Variants in RNF213 observed in about 807,000 individuals in gnomAD.
RNF213 encodes the protein E3 ubiquitin-protein ligase RNF213.
RNF213 carries 341 observed loss-of-function variants against 514.4 expected under a neutral mutation model. The observed-to-expected ratio is 0.66, with a 90% confidence interval of 0.61 to 0.73. The LOEUF (loss-of-function observed/expected upper bound fraction) is 0.73, where lower values mean the gene tolerates loss of function less well. Among genes scored for constraint, RNF213 ranks in the 30% least tolerant of loss-of-function variants. The probability of loss-of-function intolerance (pLI) is 0.00; values close to 1 mark genes in which losing one functional copy is unlikely to be tolerated. For synonymous variants in RNF213, 2,655 were observed against 2,658.2 expected (o/e 1.00, Z 0.04); for missense variants, 5,767 against 6,615.6 (o/e 0.87, Z 4.45).
At chr17:80,374,161 T>C (rs2144531989) in intron 49 of RNF213, among the ~76,000 whole-genome samples, 1 of 152,304 alleles carries the variant, frequency 6.6e-6, no homozygotes, top group Middle Eastern at 3.4e-3. Flanking sequence ...TTGACATGAC[T>C]TGAGCCACCC....
intron 67 of RNF213, among the ~76,000 whole-genome samples, chr17:80,390,932 C>T (rs1409798984): frequency 6.6e-6 from 1 of 152,034 alleles, no homozygotes; most frequent in Non-Finnish European, 1.5e-5. Flanking sequence ...CATGGTGGTA[C>T]ACACCTGCAG....
At chr17:80,313,315 C>G in intron 15 of RNF213, 148 bp downstream of exon 15, 1 of 1,094,004 alleles carries the variant, frequency 9.1e-7, no homozygotes, top group Admixed American at 1.8e-5. Context: ...TGGAGTTGCT[C>G]CTGTCTACCT....
chr17:80,370,555 C>T (rs2079476170), intron 46 of RNF213, among the ~76,000 whole-genome samples: 1 of 152,170 alleles, frequency 6.6e-6, no homozygotes, highest in Non-Finnish European at 1.5e-5. Context: ...GTTTTCTTCA[C>T]CGCCATGCAC....
chr17:80,323,003 T>C (rs533456607), intron 17 of RNF213, among the ~76,000 whole-genome samples: 68 of 152,352 alleles, frequency 4.5e-4, no homozygotes, highest in Middle Eastern at 3.4e-3. Flanking sequence ...CTAAATGTTT[T>C]ATAGTTTTAG....
In RNF213 at chr17:80,292,817, C is replaced by G. The variant is rs563575711; in HGVS notation, c.1471+990C>G. ...TCGCTCCCCCTCCCTGCACAGTGACCCTGAAACTCAAGGAAGTGAGCTGGG... is the reference window on the plus strand; with the variant it reads ...TCGCTCCCCCTCCCTGCACAGTGACGCTGAAACTCAAGGAAGTGAGCTGGG... On this transcript the variant is annotated intron_variant, in intron 8 of 67. Transcript: ENST00000582970. Among the ~76,000 whole-genome samples, 322 of 152,186 alleles carry G rather than the reference C, an allele frequency of 2.1e-3. 8 individuals carry two copies. Among genetic ancestry groups the G allele is most frequent in the Admixed American group, 0.019 (295 of 15,284 alleles).
chr17:80,307,533 T>G (rs2045410900), intron 13 of RNF213, among the ~76,000 whole-genome samples: 6 of 126,858 alleles, frequency 4.7e-5, no homozygotes. Flanking sequence ...CAGCTAATTT[T>G]TGTGTGTTGG....
In RNF213 at chr17:80,287,480, C is replaced by T. The variant is rs149993081; in HGVS notation, c.262-335C>T. Among the ~76,000 whole-genome samples the T allele has an allele frequency of 1.3e-3, 200 of 152,250 alleles. 2 individuals are homozygous for T. The highest frequency in any genetic ancestry group is 1.9e-3 in the Non-Finnish European group (132 of 68,024). On this transcript the variant is annotated intron_variant, in intron 3 of 67. Transcript: ENST00000582970. ...TTTGCACCCTGCACTCCATCCTGGGCGACAGAGGGAGACCTTGTCTCAAAT... is the reference window on the plus strand; with the variant it reads ...TTTGCACCCTGCACTCCATCCTGGGTGACAGAGGGAGACCTTGTCTCAAAT...
chr17:80,391,895 C>T (rs553633856), intron 67 of RNF213, among the ~76,000 whole-genome samples: 107 of 151,460 alleles, frequency 7.1e-4, no homozygotes, highest in Non-Finnish European at 1.3e-3. Flanking sequence ...CTCAGCCTCC[C>T]GAGTAGCTGG....
At chr17:80,337,230 T>G (rs2078012105) in intron 23 of RNF213, among the ~76,000 whole-genome samples, 1 of 152,226 alleles carries the variant, frequency 6.6e-6, no homozygotes, top group Non-Finnish European at 1.5e-5. Flanking sequence ...GAGGGTTCTC[T>G]GCATTGGGGA....
At chr17:80,383,544 C>G in intron 58 of RNF213, 133 bp from the exon 59 acceptor site, 1 of 873,562 alleles carries the variant, frequency 1.1e-6, no homozygotes, top group South Asian at 1.4e-5. Context: ...AAAGGGAATA[C>G]CTGATTACAT....
At chr17:80,297,429 G>C (rs1226575026) in intron 10 of RNF213, among the ~76,000 whole-genome samples, 3 of 130,644 alleles carry the variant, frequency 2.3e-5, no homozygotes, top group African/African-American at 8.7e-5. Flanking sequence ...CAGCCTGGGC[G>C]ACACAGTGAG....
intron 63 of RNF213, among the ~76,000 whole-genome samples, chr17:80,387,822 GCCA>G (rs1298540036): frequency 6.6e-6 from 1 of 152,202 alleles, no homozygotes; most frequent in Non-Finnish European, 1.5e-5. Context: ...ATGCACTGAA[GCCA>G]CACAGCAGGC....
In RNF213 at chr17:80,396,540, G is replaced by A. The variant is rs2080664474; in HGVS notation, c.*3042G>A. On this transcript the variant is annotated 3_prime_UTR_variant, in exon 68 of 68. Transcript: ENST00000582970. ...ACCTCTGATTTGATACATAAAGTGTGAAGGTTGCATAACTGGGGAGGTGGC... is the reference window on the plus strand; with the variant it reads ...ACCTCTGATTTGATACATAAAGTGTAAAGGTTGCATAACTGGGGAGGTGGC... 6.6e-6 allele frequency: 1 copy of A among 152,226 alleles called. No homozygotes were observed. The highest frequency in any genetic ancestry group is 6.5e-5 in the Admixed American group (1 of 15,280). 9.4% of individuals were successfully genotyped at this position (152,226 alleles called of 1,614,324 possible).
chr17:80,364,122 T>G lies in RNF213; in HGVS notation c.11751-311T>G, dbSNP rs1599138531. Among the ~76,000 whole-genome samples the G allele has an allele frequency of 4.6e-5, 7 of 152,258 alleles. No individual in the cohort carries two copies. In the South Asian group the frequency reaches 1.5e-3, roughly 32 times the overall value. ...CAGGTGCACAGAGCAGGACAGGCCC[T>G]CAGGGCCAGAGTCCACTTCCCTAAA... On this transcript the variant is annotated intron_variant, in intron 41 of 67. Coordinates refer to ENST00000582970, the MANE Select transcript of RNF213 (RefSeq NM_001256071.3).
rs367667069 is a variant in RNF213 at position 80,354,406 on chromosome 17, G to T, written c.10727-35G>T. On this transcript the variant is annotated intron_variant, in intron 35 of 67. Transcript: ENST00000582970. ...ACTCCGGAGCCAACAGCTCAGCCAC[G>T]GCCATGCTGAACGTCTGTTTCTGCC... 15 of 1,614,032 alleles carry T rather than the reference G, an allele frequency of 9.3e-6. No homozygotes were observed. The South Asian group carries it at 1.6e-4, about 18-fold the overall frequency.
chr17:80,278,703 A>C, intron 3 of RNF213: 2 of 1,526,240 alleles, frequency 1.3e-6, no homozygotes, highest in Non-Finnish European at 1.8e-6. Context: ...TTGCGAGTCT[A>C]CTGGAGCTGT....
At chr17:80,291,279 T>TA (rs397972165) in intron 7 of RNF213, among the ~76,000 whole-genome samples, 2 of 151,172 alleles carry the variant, frequency 1.3e-5, no homozygotes, top group Non-Finnish European at 1.5e-5. Context: ...TTTTTTTTTT[T>TA]AGAGAGGGGA....
rs756174458 is a variant in RNF213 at position 80,386,848 on chromosome 17, T to G, written c.14879T>G (p.Ile4960Ser). Residue 4960 changes from isoleucine to serine, a missense_variant, in exon 63 of 68, where the codon ATC (isoleucine) becomes AGC (serine). Coordinates refer to ENST00000582970, the MANE Select transcript of RNF213 (RefSeq NM_001256071.3). ...EFDLEKIQRQ[I>S]VSRFLQGKPR... ...GATCTGGAGAAGATTCAGCGGCAGA[T>G]CGTCAGCCGCTTCCTCCAGGGCAAG... 7 of 1,613,960 alleles carry G rather than the reference T, an allele frequency of 4.3e-6. No individual in the cohort carries two copies. In the Admixed American group the frequency reaches 1.2e-4, roughly 27 times the overall value.
rs567827077 is a variant in RNF213 at position 80,263,518 on chromosome 17, G to T, written c.-108-56G>T. 273 of 679,574 alleles carry T rather than the reference G, an allele frequency of 4.0e-4. 2 individuals carry two copies. In the African/African-American group the frequency reaches 4.3e-3, roughly 11 times the overall value. The allele number at this position is 679,574 out of a possible 1,614,324, so 42.1% of individuals were successfully genotyped here. A position where few individuals can be genotyped will look rare whatever the true frequency, so the allele number is the denominator to read the frequency against. Reference sequence around the variant, plus strand: ...GGGGCTGGGCTTGGGCTGTGCTCCTGTTGGGTTTCCATTAACCAGGGGACC... The same window carrying T: ...GGGGCTGGGCTTGGGCTGTGCTCCTTTTGGGTTTCCATTAACCAGGGGACC... On this transcript the variant is annotated intron_variant, in intron 1 of 67. Coordinates refer to ENST00000582970, the MANE Select transcript of RNF213 (RefSeq NM_001256071.3). This position sits in a 1 kb window ranked among gnomAD's most constrained non-coding sequence, Gnocchi z 4.9.
Sources: gnomAD v4.1 joint callset for allele counts (sites outside exome capture counted in the v4.1 genomes callset) on GRCh38, gnomAD v4.1.1 for gene constraint, Gnocchi (gnomAD v3.1) non-coding constraint, MANE v1.5 for transcripts, NCBI Gene and HGNC (gene_info 2026-07-23, HGNC 2026-07-21) for gene names.